The following FIGNL2 variants were observed in gnomAD, a reference collection of about 807,000 sequenced individuals.
FIGNL2 encodes the protein fidgetin-like protein 2.
For synonymous variants in FIGNL2, 565 were observed against 484.0 expected (o/e 1.17, Z -2.20); for missense variants, 1,060 against 950.2 (o/e 1.12, Z -1.52).
chr12:51,821,783 C>T lies in FIGNL2; in HGVS notation c.631G>A (p.Ala211Thr), dbSNP rs1466651470. ...AGCGCGCCATAGCCGGGCTGCGCTG[C>T]GTAGCCCCCTGCGGGATAGTTGTAC... ...PLYNYPAGGYAAQPGYGALPP... is the reference protein window; with the variant it reads ...PLYNYPAGGYTAQPGYGALPP... The change falls in exon 2 of 2, where the codon GCA becomes ACA. Residue 211 changes from alanine (A) to threonine (T), a missense_variant. Coordinates refer to ENST00000618634, the MANE Select transcript of FIGNL2 (RefSeq NM_001384995.1). 8.6e-6 allele frequency: 11 copies of T among 1,277,234 alleles called. No homozygotes were observed. Among genetic ancestry groups the T allele is most frequent in the East Asian group, 3.3e-5 (1 of 30,618 alleles). The allele number at this position is 1,277,234 out of a possible 1,614,324, so 79.1% of individuals were successfully genotyped here. A position where few individuals can be genotyped will look rare whatever the true frequency, so the allele number is the denominator to read the frequency against.
intron 1 of FIGNL2, among the ~76,000 whole-genome samples, chr12:51,844,046 C>T (rs946631694): frequency 1.3e-5 from 2 of 152,012 alleles, no homozygotes; most frequent in Admixed American, 6.6e-5. Context: ...AGTCACTAAG[C>T]GGGTCCCCAA....
chr12:51,821,359 GC>G lies in FIGNL2; in HGVS notation c.1054del (p.Ala352ProfsTer27). On this transcript the variant is annotated frameshift_variant, in exon 2 of 2. Transcript: ENST00000618634. LOFTEE classifies it low-confidence loss of function (END_TRUNC). ...GGCGAACCCCCCACGAGGAGCCGGG[GC>G]CCGCTCCGGGAACTTTTCAAAGGGC... is the stretch of plus-strand genomic sequence containing the variant. ...LEPFEKFPER[A>X]PAPRGGFAVP... is the part of the protein sequence containing the mutation. The G allele has an allele frequency of 1.3e-6, 2 of 1,501,680 alleles. No homozygotes were observed. The highest frequency in any genetic ancestry group is 2.5e-5 in the South Asian group (2 of 79,946). 93.0% of individuals were successfully genotyped at this position (1,501,680 alleles called of 1,614,324 possible).
intron 1 of FIGNL2, among the ~76,000 whole-genome samples, chr12:51,832,354 A>C (rs901742560): frequency 4.6e-5 from 7 of 150,926 alleles, no homozygotes; most frequent in Admixed American, 1.3e-4. Flanking sequence ...GCTACATTCT[A>C]TCTCTCTCTC....
At chr12:51,842,783 T>G (rs949646037) in intron 1 of FIGNL2, among the ~76,000 whole-genome samples, 1 of 152,200 alleles carries the variant, frequency 6.6e-6, no homozygotes, top group Non-Finnish European at 1.5e-5. Context: ...GAGGCTGCCA[T>G]TCCCCAGCTC....
intron 1 of FIGNL2, among the ~76,000 whole-genome samples, chr12:51,833,413 G>A (rs1464241829): frequency 6.6e-6 from 1 of 152,156 alleles, no homozygotes; most frequent in Non-Finnish European, 1.5e-5. Context: ...ACAGTTGCCA[G>A]TGTAACTCTT....
chr12:51,845,526 G>A (rs1939735623), intron 1 of FIGNL2: 1 of 985,456 alleles, frequency 1.0e-6, no homozygotes, highest in Non-Finnish European at 1.2e-6. Flanking sequence ...GGGCACTGGG[G>A]CCTGGAGTCC....
chr12:51,820,983 G>C lies in FIGNL2; in HGVS notation c.1431C>G (p.Phe477Leu), dbSNP rs1939164820. The C allele has an allele frequency of 8.2e-7, 1 of 1,213,238 alleles. No homozygotes were observed. 75.2% of individuals were successfully genotyped at this position (1,213,238 alleles called of 1,614,324 possible). Residue 477 changes from phenylalanine (F) to leucine (L), a missense_variant, in exon 2 of 2, where the codon TTC becomes TTG. By Grantham distance (22) the Phe-to-Leu change is conservative. Coordinates refer to ENST00000618634, the MANE Select transcript of FIGNL2 (RefSeq NM_001384995.1). ...AGGGTGGGCGGCAGCGCGCGGCCGCGAAGGCGGCCTGGAGGAGGCGCGCGC... is the reference window on the plus strand; with the variant it reads ...AGGGTGGGCGGCAGCGCGCGGCCGCCAAGGCGGCCTGGAGGAGGCGCGCGC... ...AEGARLLQAA[F>L]AAARCRPPSV... is the part of the protein sequence containing the mutation.
At chr12:51,840,977 G>A (rs1435787308) in intron 1 of FIGNL2, among the ~76,000 whole-genome samples, 4 of 152,338 alleles carry the variant, frequency 2.6e-5, no homozygotes, top group African/African-American at 9.6e-5. Flanking sequence ...CCCTTCCCGT[G>A]CATGGGGGTG....
At chr12:51,834,090 C>CAGAT (rs1939532222) in intron 1 of FIGNL2, among the ~76,000 whole-genome samples, 2 of 132,688 alleles carry the variant, frequency 1.5e-5, no homozygotes, top group Non-Finnish European at 3.2e-5. Context: ...GACAGACAGA[C>CAGAT]GGATGGGTGG....
intron 1 of FIGNL2, chr12:51,848,102 C>A: frequency 1.0e-6 from 1 of 976,930 alleles, no homozygotes; most frequent in Non-Finnish European, 1.2e-6. Flanking sequence ...CACACAGGGG[C>A]CGCTGGACAA....
At chr12:51,838,860 G>A (rs923862223) in intron 1 of FIGNL2, among the ~76,000 whole-genome samples, 7 of 150,942 alleles carry the variant, frequency 4.6e-5, no homozygotes, top group South Asian at 2.1e-4. Flanking sequence ...AGCTGCCTGC[G>A]GGGCCCCAGA....
chr12:51,820,523 C>G lies in FIGNL2; in HGVS notation c.1891G>C (p.Gly631Arg), dbSNP rs778604083. The G allele has an allele frequency of 6.4e-7, 1 of 1,565,674 alleles. No homozygotes were observed. Among genetic ancestry groups the G allele is most frequent in the Non-Finnish European group, 8.6e-7 (1 of 1,163,656 alleles). ...AGTTCCTTGGCAGAGGCCCTAGGGC[C>G]CACCTTGGCCAGCGCCGCCTCCAGG... is the stretch of plus-strand genomic sequence containing the variant. ...KDLEAALAKV[G>R]PRASAKELDS... The change falls in exon 2 of 2, where the codon GGC (glycine) becomes CGC (arginine). Residue 631 changes from glycine (G) to arginine (R), a missense_variant. Coordinates refer to ENST00000618634, the MANE Select transcript of FIGNL2 (RefSeq NM_001384995.1).
Position 51,821,269 on chromosome 12 carries a change from A to C in FIGNL2, c.1145T>G (p.Met382Arg). 1 of 1,524,976 alleles carries C rather than the reference A, an allele frequency of 6.6e-7. No homozygotes were observed. The highest frequency in any genetic ancestry group is 8.8e-7 in the Non-Finnish European group (1 of 1,142,044). 94.5% of individuals were successfully genotyped at this position (1,524,976 alleles called of 1,614,324 possible). The change falls in exon 2 of 2, where the codon ATG becomes AGG. Residue 382 changes from methionine to arginine, a missense_variant. Transcript: ENST00000618634. ...PGALELVTSK[M>R]VDCGPPVQWA... Reference sequence around the variant, plus strand: ...CTGCACCGGGGGCCCGCAGTCCACCATCTTGCTCGTCACCAGCTCCAGGGC... The same window carrying C: ...CTGCACCGGGGGCCCGCAGTCCACCCTCTTGCTCGTCACCAGCTCCAGGGC...
Position 51,821,930 on chromosome 12 carries a change from A to G in FIGNL2, c.484T>C (p.Tyr162His), listed in dbSNP as rs1939217000. The G allele has an allele frequency of 6.0e-6, 9 of 1,495,086 alleles. No individual in the cohort carries two copies. The highest frequency in any genetic ancestry group is 2.7e-5 in the East Asian group (1 of 36,856). The allele number at this position is 1,495,086 out of a possible 1,614,324, so 92.6% of individuals were successfully genotyped here. A position where few individuals can be genotyped will look rare whatever the true frequency, so the allele number is the denominator to read the frequency against. The change falls in exon 2 of 2, where the codon TAC becomes CAC. Residue 162 changes from tyrosine (Y) to histidine (H), a missense_variant. Physicochemically the swap from Tyr to His is moderately conservative, Grantham distance 83. Coordinates refer to ENST00000618634, the MANE Select transcript of FIGNL2 (RefSeq NM_001384995.1). ...CCCGGCGCCAGGTACCCCCCGCCGTAGCCGGCCGCGTACTCGGGCGCCGCC... is the reference window on the plus strand; with the variant it reads ...CCCGGCGCCAGGTACCCCCCGCCGTGGCCGGCCGCGTACTCGGGCGCCGCC... ...PSAAPEYAAGYGGGYLAPGYC... is the reference protein window; with the variant it reads ...PSAAPEYAAGHGGGYLAPGYC...
At chr12:51,830,435 C>T in intron 1 of FIGNL2, among the ~76,000 whole-genome samples, 1 of 151,728 alleles carries the variant, frequency 6.6e-6, no homozygotes, top group Admixed American at 6.6e-5. Context: ...ATTTTGTATA[C>T]CATAAATATA....
At chr12:51,822,577 C>A (rs965494111) in intron 1 of FIGNL2, among the ~76,000 whole-genome samples, 153 bp from the exon 2 acceptor site, 5 of 152,208 alleles carry the variant, frequency 3.3e-5, no homozygotes, top group Non-Finnish European at 5.9e-5. Context: ...GGGGCCCTCC[C>A]TCCAGGCACC....
chr12:51,822,713 C>T (rs1431383454), intron 1 of FIGNL2, among the ~76,000 whole-genome samples: 1 of 152,232 alleles, frequency 6.6e-6, no homozygotes, highest in Non-Finnish European at 1.5e-5. Flanking sequence ...TATTTTTGTC[C>T]TGGCCACTCC....
At chr12:51,833,527 TG>T (rs1287607443) in intron 1 of FIGNL2, among the ~76,000 whole-genome samples, 1 of 152,214 alleles carries the variant, frequency 6.6e-6, no homozygotes. Flanking sequence ...AGGGTCCTCA[TG>T]GTCGGCTTCC....
At chr12:51,836,383 C>T (rs1226843024) in intron 1 of FIGNL2, among the ~76,000 whole-genome samples, 1 of 148,220 alleles carries the variant, frequency 6.7e-6, no homozygotes, top group Non-Finnish European at 1.5e-5. Context: ...TCATCCTCAT[C>T]CAATCCCAAG....
Sources: allele counts gnomAD v4.1 joint callset (sites outside exome capture counted in the v4.1 genomes callset), GRCh38; gene constraint gnomAD v4.1.1; transcripts MANE v1.5; gene names NCBI Gene and HGNC (gene_info 2026-07-23, HGNC 2026-07-21).